The following JARID2 variants were observed in gnomAD, a reference collection of about 807,000 sequenced individuals.
The protein encoded by JARID2 is protein Jumonji.
JARID2 carries 21 observed loss-of-function variants against 125.6 expected under a neutral mutation model. The ratio of observed to expected loss-of-function variants is 0.17; its 90% CI spans 0.12 to 0.24. JARID2 has a LOEUF of 0.24. Among genes scored for constraint, JARID2 ranks in the 10% least tolerant of loss-of-function variants. The pLI is 1.00. For missense variants in JARID2, 1,303 were observed against 1,639.6 expected, an observed-to-expected ratio of 0.79 and a Z score of 3.55; for synonymous variants, 736 against 661.6, an observed-to-expected ratio of 1.11 and a Z score of -1.73.
At chr6:15,432,667 A>G (rs548290364) in intron 3 of JARID2, among the ~76,000 whole-genome samples, 86 of 152,276 alleles carry the variant, frequency 5.6e-4, no homozygotes, top group African/African-American at 1.8e-3. Flanking sequence ...GAATGTTACA[A>G]AGTTATTTAC....
chr6:15,456,672 T>C (rs1371504123), intron 4 of JARID2, among the ~76,000 whole-genome samples: 1 of 152,070 alleles, frequency 6.6e-6, no homozygotes, highest in African/African-American at 2.4e-5. Flanking sequence ...TATTATAGCT[T>C]CATGACCCTG....
chr6:15,255,827 G>GTA (rs1759642842), intron 1 of JARID2, among the ~76,000 whole-genome samples: 1 of 152,138 alleles, frequency 6.6e-6, no homozygotes, highest in African/African-American at 2.4e-5. Context: ...TGTGCTTTGT[G>GTA]TATATGCCTT....
At chr6:15,508,603 C>T (rs1017720246) in intron 12 of JARID2, 149 bp downstream of exon 12, 3 of 609,618 alleles carry the variant, frequency 4.9e-6, no homozygotes, top group South Asian at 1.9e-5. Context: ...CGTTCCCTGC[C>T]GAAGCCTGGG....
At chr6:15,465,719 A>G (rs925154462) in intron 4 of JARID2, among the ~76,000 whole-genome samples, 2 of 151,904 alleles carry the variant, frequency 1.3e-5, no homozygotes, top group African/African-American at 4.8e-5. Flanking sequence ...CTTCACATGG[A>G]TTTTTACCTG....
intron 3 of JARID2, among the ~76,000 whole-genome samples, chr6:15,439,543 C>A (rs1381983676): frequency 6.6e-6 from 1 of 152,172 alleles, no homozygotes; most frequent in African/African-American, 2.4e-5. Context: ...GTGGCTTTAT[C>A]ATTTCCTGTC....
intron 1 of JARID2, among the ~76,000 whole-genome samples, chr6:15,345,810 G>C (rs1175451180): frequency 6.6e-6 from 1 of 152,204 alleles, no homozygotes; most frequent in Non-Finnish European, 1.5e-5. Flanking sequence ...GGGTTGCTGG[G>C]AGTCTGTTAC....
chr6:15,519,484 A>G (rs1468368346), intron 17 of JARID2, among the ~76,000 whole-genome samples: 1 of 152,090 alleles, frequency 6.6e-6, no homozygotes, highest in African/African-American at 2.4e-5. Flanking sequence ...CCCGTGGCCC[A>G]GAGAGATGCT....
At chr6:15,506,596 T>TG (rs1230829793) in intron 9 of JARID2, among the ~76,000 whole-genome samples, 3 of 152,196 alleles carry the variant, frequency 2.0e-5, no homozygotes, top group African/African-American at 7.2e-5. Context: ...GGTGACTGCG[T>TG]GGGGAGGCTT....
chr6:15,522,003 TAAAAAC>T lies in JARID2; in HGVS notation c.*1756_*1761del, dbSNP rs1472137259. 6.6e-6 allele frequency: 1 copy of T among 152,248 alleles called. No individual in the cohort carries two copies. Among genetic ancestry groups the T allele is most frequent in the Non-Finnish European group, 1.5e-5 (1 of 68,046 alleles). The allele number at this position is 152,248 out of a possible 1,614,324, so 9.4% of individuals were successfully genotyped here. A position where few individuals can be genotyped will look rare whatever the true frequency, so the allele number is the denominator to read the frequency against. On this transcript the variant is annotated 3_prime_UTR_variant, in exon 18 of 18. Coordinates refer to ENST00000341776, the MANE Select transcript of JARID2 (RefSeq NM_004973.4). ...AGGTTTGTACTACAAGGTTTAATAA[TAAAAAC>T]AAAGTTTTTTGGACATTTGTCTGTC...
At chr6:15,358,786 G>A (rs962515631) in intron 1 of JARID2, among the ~76,000 whole-genome samples, 6 of 152,032 alleles carry the variant, frequency 3.9e-5, no homozygotes, top group African/African-American at 7.2e-5. Flanking sequence ...AGCTTTTAAC[G>A]CGTACCAGTC....
chr6:15,511,198 C>CCAT (rs55742636), intron 12 of JARID2, 98 bp from the exon 13 acceptor site: 80 of 817,746 alleles, frequency 9.8e-5, no homozygotes, highest in Non-Finnish European at 1.9e-5. Context: ...CAGAGCCTCT[C>CCAT]GTGTGCTCGG....
At chr6:15,288,273 T>G (rs1581373303) in intron 1 of JARID2, among the ~76,000 whole-genome samples, 18 of 142,900 alleles carry the variant, frequency 1.3e-4, no homozygotes, top group South Asian at 4.4e-4. Context: ...GTGGGAGGGG[T>G]GGGAGCAGGC....
intron 1 of JARID2, among the ~76,000 whole-genome samples, chr6:15,252,031 G>C (rs1759476163): frequency 6.6e-6 from 1 of 152,154 alleles, no homozygotes; most frequent in Non-Finnish European, 1.5e-5. Context: ...GGGCAAAAGA[G>C]TGAGACTCCA....
chr6:15,509,099 G>A, intron 12 of JARID2: 1 of 1,289,088 alleles, frequency 7.8e-7, no homozygotes, highest in Non-Finnish European at 1.0e-6. Flanking sequence ...GAGGTGTTCT[G>A]GGTCCCCGCC....
At chr6:15,264,976 C>T (rs1475143445) in intron 1 of JARID2, among the ~76,000 whole-genome samples, 2 of 152,156 alleles carry the variant, frequency 1.3e-5, no homozygotes, top group Non-Finnish European at 2.9e-5. Context: ...TAATTCATTG[C>T]TCTATGGTGG....
At chr6:15,392,914 A>G (rs952745761) in intron 2 of JARID2, among the ~76,000 whole-genome samples, 19 of 151,638 alleles carry the variant, frequency 1.3e-4, no homozygotes, top group African/African-American at 4.4e-4. Context: ...CGAACTCCTG[A>G]CCTCAAGTGA....
Position 15,504,583 on chromosome 6 carries a change from C to T in JARID2, c.2532C>T (p.Ala844=), listed in dbSNP as rs542142762. 4.0e-5 allele frequency: 64 copies of T among 1,613,036 alleles called. No individual in the cohort carries two copies. Among genetic ancestry groups the T allele is most frequent in the East Asian group, 3.8e-4 (17 of 44,868 alleles). ...GTTTCAGCAAGGAGCCTGCCCCAGCCGAAATCGAGGTGAGAGAAGGGGCCC... is the reference window on the plus strand; with the variant it reads ...GTTTCAGCAAGGAGCCTGCCCCAGCTGAAATCGAGGTGAGAGAAGGGGCCC... ...SMCFSKEPAP[A]EIEQEYWRLV... The change falls in exon 9 of 18, where the codon GCC becomes GCT. Residue 844 remains alanine, a synonymous_variant. Transcript: ENST00000341776.
chr6:15,278,685 C>T (rs1760632377), intron 1 of JARID2, among the ~76,000 whole-genome samples: 1 of 152,180 alleles, frequency 6.6e-6, no homozygotes. Context: ...GAGGAAGGGT[C>T]TGGGGGGACA....
chr6:15,295,186 A>G (rs1761366432), intron 1 of JARID2, among the ~76,000 whole-genome samples: 1 of 140,262 alleles, frequency 7.1e-6, no homozygotes, highest in Admixed American at 7.8e-5. Flanking sequence ...CAGTGACGCC[A>G]TCTTGGCTCA....
Sources: gnomAD v4.1 joint callset for allele counts (sites outside exome capture counted in the v4.1 genomes callset) on GRCh38, gnomAD v4.1.1 for gene constraint, MANE v1.5 for transcripts, NCBI Gene and HGNC (gene_info 2026-07-23, HGNC 2026-07-21) for gene names.